PCDHA6: variants seen among roughly 807,000 people sequenced by gnomAD.
The protein encoded by PCDHA6 is protocadherin alpha 6, also known as protocadherin alpha-6.
PCDHA6 carries 55 observed loss-of-function variants against 60.3 expected under a neutral mutation model. The ratio of observed to expected loss-of-function variants is 0.91; its 90% CI spans 0.73 to 1.14. The LOEUF (loss-of-function observed/expected upper bound fraction) is 1.14, where lower values mean the gene tolerates loss of function less well. PCDHA6 is among the 50% of genes most tolerant of loss of function. PCDHA6 has a pLI of 0.00. For synonymous variants in PCDHA6, 652 were observed against 557.9 expected (o/e 1.17, Z -2.38); for missense variants, 1,327 against 1,256.5 (o/e 1.06, Z -0.85).
At chr5:140,975,010 C>T (rs2096649304) in intron 1 of PCDHA6, among the ~76,000 whole-genome samples, 1 of 152,182 alleles carries the variant, frequency 6.6e-6, no homozygotes, top group Admixed American at 6.5e-5. Context: ...GAAATGAACA[C>T]AGCTGGGCTG....
At chr5:140,850,587 G>A in intron 1 of PCDHA6, 1 of 1,598,490 alleles carries the variant, frequency 6.3e-7, no homozygotes, top group South Asian at 1.1e-5. Flanking sequence ...GGATGTCAAC[G>A]TGTACCTGAT....
chr5:140,866,156 GAA>G (rs1441624325), intron 1 of PCDHA6: 1 of 152,104 alleles, frequency 6.6e-6, no homozygotes, highest in Admixed American at 6.5e-5. Flanking sequence ...ATATAAGTAA[GAA>G]TCGTTTAACA....
chr5:140,976,466 G>C (rs1404890940), intron 1 of PCDHA6, among the ~76,000 whole-genome samples: 1 of 152,104 alleles, frequency 6.6e-6, no homozygotes, highest in African/African-American at 2.4e-5. Flanking sequence ...AAGAAGAATT[G>C]CTTGAATCCG....
intron 1 of PCDHA6, chr5:140,968,987 T>C: frequency 6.2e-7 from 1 of 1,614,224 alleles, no homozygotes; most frequent in Non-Finnish European, 8.5e-7. Context: ...TGGCACTGCA[T>C]GCTGTGGAGG....
chr5:140,872,447 C>T (rs555580142), intron 1 of PCDHA6, among the ~76,000 whole-genome samples: 10 of 152,054 alleles, frequency 6.6e-5, no homozygotes, highest in African/African-American at 2.2e-4. Flanking sequence ...GACAACATAG[C>T]GAGATCCTGT....
At chr5:140,835,601 A>C (rs2150239166) in intron 1 of PCDHA6, 1 of 1,613,906 alleles carries the variant, frequency 6.2e-7, no homozygotes, top group South Asian at 1.1e-5. Flanking sequence ...ATTACTATTC[A>C]TTGGTGCTGG....
chr5:140,878,027 G>C, intron 1 of PCDHA6: 1 of 699,256 alleles, frequency 1.4e-6, no homozygotes, highest in Non-Finnish European at 2.1e-6. Flanking sequence ...GAAATATGTA[G>C]GTACAATGGA....
At position 140,969,448 on chromosome 5, in the gene PCDHA6, G is replaced by A. The variant is rs781843317; in HGVS notation, c.2395-9501G>A. 468 of 1,537,938 alleles carry A rather than the reference G, an allele frequency of 3.0e-4. 1 individual carries two copies. Among genetic ancestry groups the A allele is most frequent in the Non-Finnish European group, 4.0e-4 (459 of 1,139,778 alleles). On this transcript the variant is annotated intron_variant, in intron 1 of 3. Coordinates refer to ENST00000529310, the MANE Select transcript of PCDHA6 (RefSeq NM_018909.4). ...AGTGACAAGAGTTATCTGGTAAACT[G>A]AGTATATATAGTATCCACAATTTGA...
intron 1 of PCDHA6, chr5:140,834,945 C>T (rs2150229215): frequency 6.4e-7 from 1 of 1,552,558 alleles, no homozygotes; most frequent in East Asian, 2.3e-5. Flanking sequence ...CAGCAACCAG[C>T]AGGTAAAACC....
chr5:140,850,365 G>A (rs2150481125), intron 1 of PCDHA6: 1 of 1,597,962 alleles, frequency 6.3e-7, no homozygotes, highest in South Asian at 1.1e-5. Context: ...CCCGTTCCGC[G>A]TGGGGCTGTA....
At chr5:140,914,542 T>C (rs1323797101) in intron 1 of PCDHA6, among the ~76,000 whole-genome samples, 2 of 152,202 alleles carry the variant, frequency 1.3e-5, no homozygotes, top group Non-Finnish European at 2.9e-5. Context: ...ACTTTATTTC[T>C]TTTTATTGGA....
chr5:140,843,886 T>A, intron 1 of PCDHA6: 1 of 704,592 alleles, frequency 1.4e-6, no homozygotes, highest in Non-Finnish European at 2.3e-6. Context: ...CATAATACAG[T>A]ATTAATCATT....
At chr5:140,845,204 TAA>T (rs1554140859) in intron 1 of PCDHA6, among the ~76,000 whole-genome samples, 1 of 149,338 alleles carries the variant, frequency 6.7e-6, no homozygotes, top group Non-Finnish European at 1.5e-5. Flanking sequence ...TGTTTTCATT[TAA>T]GTCCTTTTAA....
intron 1 of PCDHA6, among the ~76,000 whole-genome samples, chr5:140,969,689 G>C (rs2096353737): frequency 6.6e-6 from 1 of 152,136 alleles, no homozygotes; most frequent in Admixed American, 6.5e-5. Context: ...AGGAGAAATG[G>C]CCTCTGCTGT....
chr5:140,951,863 C>T (rs991949987), intron 1 of PCDHA6, among the ~76,000 whole-genome samples: 10 of 152,096 alleles, frequency 6.6e-5, no homozygotes, highest in Non-Finnish European at 7.3e-5. Flanking sequence ...TCCAAAGTCT[C>T]ATCTGAGACA....
Position 140,829,865 on chromosome 5 carries a change from G to A in PCDHA6, c.1774G>A (p.Ala592Thr). 6.2e-7 allele frequency: 1 copy of A among 1,613,946 alleles called. No individual in the cohort carries two copies. The highest frequency in any genetic ancestry group is 8.5e-7 in the Non-Finnish European group (1 of 1,179,896). The change falls in exon 1 of 4, where the codon GCG becomes ACG. Residue 592 changes from alanine (A) to threonine (T), a missense_variant. Physicochemically the swap from Ala to Thr is moderately conservative, Grantham distance 58. Coordinates refer to ENST00000529310, the MANE Select transcript of PCDHA6 (RefSeq NM_018909.4). ...GTCACTGGGTGCAGGCCAAGTGGTGGCGAAGGTGCGCGCAGTTGACGCCGA... is the reference window on the plus strand; with the variant it reads ...GTCACTGGGTGCAGGCCAAGTGGTGACGAAGGTGCGCGCAGTTGACGCCGA... Reference protein sequence around the residue: ...PRSLGAGQVVAKVRAVDADSG... With the variant: ...PRSLGAGQVVTKVRAVDADSG...
intron 1 of PCDHA6, among the ~76,000 whole-genome samples, chr5:140,944,025 A>C (rs981840753): frequency 6.6e-6 from 1 of 152,236 alleles, no homozygotes; most frequent in Admixed American, 6.5e-5. Flanking sequence ...AATTATCTTC[A>C]AAATATGGAA....
intron 1 of PCDHA6, chr5:140,853,696 T>C: frequency 1.1e-5 from 11 of 988,274 alleles, no homozygotes; most frequent in Non-Finnish European, 1.3e-5. Context: ...TTAGACCTGC[T>C]AACGCATTAG....
intron 1 of PCDHA6, among the ~76,000 whole-genome samples, chr5:140,916,237 A>G (rs1004473327): frequency 6.6e-6 from 1 of 152,182 alleles, no homozygotes; most frequent in African/African-American, 2.4e-5. Context: ...CCAGGAGCCA[A>G]AGCCTGGACT....
Sources: gnomAD v4.1 joint callset for allele counts (sites outside exome capture counted in the v4.1 genomes callset) on GRCh38, gnomAD v4.1.1 for gene constraint, MANE v1.5 for transcripts, NCBI Gene and HGNC (gene_info 2026-07-23, HGNC 2026-07-21) for gene names.